The following THSD4 variants were observed in gnomAD, a reference collection of about 807,000 sequenced individuals.
THSD4 encodes thrombospondin type 1 domain containing 4, also known as thrombospondin type-1 domain-containing protein 4.
THSD4 carries 69 observed loss-of-function variants against 119.0 expected under a neutral mutation model. The observed-to-expected ratio is 0.58, with a 90% CI of 0.48 to 0.71. THSD4 has a LOEUF of 0.71. THSD4 is among the 30% of genes least tolerant of loss of function. The pLI, the probability that THSD4 is intolerant of heterozygous loss-of-function variation, is 0.00. For synonymous variants in THSD4, 524 were observed against 540.4 expected, an observed-to-expected ratio of 0.97 and a Z score of 0.42; for missense variants, 1,393 against 1,391.1, an observed-to-expected ratio of 1.00 and a Z score of -0.02.
intron 7 of THSD4, among the ~76,000 whole-genome samples, chr15:71,597,107 CTGT>C (rs2049919947): frequency 1.3e-5 from 2 of 152,016 alleles, no homozygotes; most frequent in South Asian, 2.1e-4. Flanking sequence ...CCAAAAAATA[CTGT>C]TGTTTTAATC....
At chr15:71,332,232 A>G (rs1046919611) in intron 6 of THSD4, among the ~76,000 whole-genome samples, 9 of 152,230 alleles carry the variant, frequency 5.9e-5, no homozygotes, top group African/African-American at 2.2e-4. Context: ...AGCTACAGTG[A>G]TGGATTTCAG....
intron 7 of THSD4, among the ~76,000 whole-genome samples, chr15:71,587,755 C>G (rs1187764385): frequency 1.1e-5 from 1 of 88,026 alleles, no homozygotes; most frequent in African/African-American, 3.8e-5. Context: ...CACATGTACC[C>G]TAAAACTTAG....
At chr15:71,559,110 T>C (rs1177861823) in intron 7 of THSD4, among the ~76,000 whole-genome samples, 1 of 152,208 alleles carries the variant, frequency 6.6e-6, no homozygotes, top group African/African-American at 2.4e-5. Context: ...TCAAGTCTTC[T>C]GTGTCTTTTC....
At chr15:71,367,183 G>A (rs905773925) in intron 6 of THSD4, among the ~76,000 whole-genome samples, 7 of 151,426 alleles carry the variant, frequency 4.6e-5, no homozygotes, top group South Asian at 2.1e-4. Flanking sequence ...TGATGTCATC[G>A]CATTTGTTGA....
intron 1 of THSD4, among the ~76,000 whole-genome samples, chr15:71,127,724 T>A (rs1038995906): frequency 6.6e-6 from 1 of 152,190 alleles, no homozygotes; most frequent in Non-Finnish European, 1.5e-5. Flanking sequence ...GTTTGAGAAA[T>A]GTCTATTCAG....
chr15:71,234,321 G>A (rs1431380627), intron 4 of THSD4, among the ~76,000 whole-genome samples: 1 of 152,170 alleles, frequency 6.6e-6, no homozygotes, highest in Non-Finnish European at 1.5e-5. Flanking sequence ...TCCCTCATCT[G>A]CCTGCTAGTC....
At chr15:71,235,901 G>A (rs1027312168) in intron 4 of THSD4, among the ~76,000 whole-genome samples, 7 of 152,244 alleles carry the variant, frequency 4.6e-5, no homozygotes, top group East Asian at 1.9e-4. Context: ...GAATGCCACC[G>A]CTCTTAATGC....
In THSD4 at chr15:71,215,071, G is replaced by C. The variant is rs1360355048; in HGVS notation, c.136G>C (p.Asp46His). The change falls in exon 4 of 18, where the codon GAC becomes CAC. Residue 46 changes from aspartate (D) to histidine (H), a missense_variant. Coordinates refer to ENST00000261862, the MANE Select transcript of THSD4 (RefSeq NM_024817.3). Reference protein sequence around the residue: ...QRMAAEGAPEDDGGGGAPGVW... With the variant: ...QRMAAEGAPEHDGGGGAPGVW... ...GATGGCGGCGGAGGGCGCCCCCGAG[G>C]ACGACGGCGGCGGCGGCGCCCCGGG... 7.7e-6 allele frequency: 10 copies of C among 1,300,732 alleles called. No homozygotes were observed. Among genetic ancestry groups the C allele is most frequent in the Non-Finnish European group, 9.8e-6 (10 of 1,022,452 alleles). The allele number at this position is 1,300,732 out of a possible 1,614,324, so 80.6% of individuals were successfully genotyped here. A position where few individuals can be genotyped will look rare whatever the true frequency, so the allele number is the denominator to read the frequency against.
chr15:71,494,469 A>G (rs946629103), intron 7 of THSD4, among the ~76,000 whole-genome samples: 1 of 152,128 alleles, frequency 6.6e-6, no homozygotes, highest in Admixed American at 6.5e-5. Context: ...TTAATTAAAT[A>G]CTTTTAAAAG....
intron 7 of THSD4, among the ~76,000 whole-genome samples, chr15:71,506,827 A>T (rs927248283): frequency 6.6e-6 from 1 of 152,246 alleles, no homozygotes; most frequent in Admixed American, 6.5e-5. Context: ...TGTGAGGTGC[A>T]GCCTGTTCTG....
intron 7 of THSD4, among the ~76,000 whole-genome samples, chr15:71,466,389 CAG>C (rs1032928931): frequency 6.6e-6 from 1 of 151,418 alleles, no homozygotes; most frequent in African/African-American, 2.4e-5. Flanking sequence ...GAAGCTGTAA[CAG>C]AGAAAAAGGG....
At chr15:71,560,389 G>A (rs1403071365) in intron 7 of THSD4, among the ~76,000 whole-genome samples, 1 of 152,152 alleles carries the variant, frequency 6.6e-6, no homozygotes, top group Non-Finnish European at 1.5e-5. Context: ...TTCATAAAGA[G>A]GTGAGACCCA....
At chr15:71,301,798 C>T (rs1304743837) in intron 6 of THSD4, among the ~76,000 whole-genome samples, 1 of 152,214 alleles carries the variant, frequency 6.6e-6, no homozygotes, top group Non-Finnish European at 1.5e-5. Flanking sequence ...TATATCCTGC[C>T]TGGATACCTC....
intron 7 of THSD4, among the ~76,000 whole-genome samples, chr15:71,451,115 T>C (rs2047258073): frequency 6.6e-6 from 1 of 151,778 alleles, no homozygotes; most frequent in Admixed American, 6.6e-5. Flanking sequence ...GAGGCAGAGG[T>C]TGCAGTGAGC....
intron 8 of THSD4, among the ~76,000 whole-genome samples, chr15:71,721,967 T>A: frequency 8.2e-6 from 1 of 122,490 alleles, no homozygotes. Context: ...ACAGAGTGAG[T>A]CCCTGTCTCA....
intron 6 of THSD4, among the ~76,000 whole-genome samples, chr15:71,258,318 A>C (rs2044344976): frequency 6.6e-6 from 1 of 152,152 alleles, no homozygotes; most frequent in African/African-American, 2.4e-5. Flanking sequence ...AGCTGGGATT[A>C]CAGGTGTGCA....
chr15:71,451,042 G>A (rs1479754418), intron 7 of THSD4, among the ~76,000 whole-genome samples: 1 of 152,164 alleles, frequency 6.6e-6, no homozygotes, highest in Non-Finnish European at 1.5e-5. Flanking sequence ...GCCAGACATG[G>A]TGGCACACAC....
intron 6 of THSD4, among the ~76,000 whole-genome samples, chr15:71,314,026 G>A (rs1387500768): frequency 2.0e-5 from 3 of 152,120 alleles, no homozygotes; most frequent in Non-Finnish European, 4.4e-5. Flanking sequence ...GTCCAGAGGG[G>A]CTTTGAAAGC....
intron 8 of THSD4, among the ~76,000 whole-genome samples, chr15:71,693,428 C>T (rs2141055744): frequency 6.6e-6 from 1 of 152,310 alleles, no homozygotes; most frequent in East Asian, 1.9e-4. Context: ...GGGCAGATTG[C>T]TTGAGCCCAG....
Sources: gnomAD v4.1 joint callset for allele counts (sites outside exome capture counted in the v4.1 genomes callset) on GRCh38, gnomAD v4.1.1 for gene constraint, MANE v1.5 for transcripts, NCBI Gene and HGNC (gene_info 2026-07-23, HGNC 2026-07-21) for gene names.